The following SCML4 variants were observed in gnomAD, a reference collection of about 807,000 sequenced individuals.
SCML4 encodes sex comb on midleg-like protein 4.
A neutral mutation model predicts 41.1 loss-of-function variants in SCML4; 34 were observed. That is an observed-to-expected ratio of 0.83 (90% CI 0.63 to 1.10). SCML4 has a LOEUF of 1.10. SCML4 is among the 50% of genes least tolerant of loss of function. The probability of loss-of-function intolerance (pLI) is 0.00; values close to 1 mark genes in which losing one functional copy is unlikely to be tolerated. For synonymous variants in SCML4, 214 were observed against 220.9 expected (o/e 0.97, Z 0.28); for missense variants, 522 against 534.1 (o/e 0.98, Z 0.22).
At chr6:107,770,280 T>C (rs1241254101) in intron 2 of SCML4, among the ~76,000 whole-genome samples, 1 of 151,738 alleles carries the variant, frequency 6.6e-6, no homozygotes, top group Admixed American at 6.6e-5. Flanking sequence ...ACCAAGATAG[T>C]AGGAAGCAGA....
intron 6 of SCML4, among the ~76,000 whole-genome samples, chr6:107,714,416 C>A (rs539069429): frequency 8.3e-4 from 126 of 152,304 alleles, no homozygotes; most frequent in African/African-American, 2.8e-3. Flanking sequence ...CTCTGGGAAG[C>A]CTTTCCAGAC....
At chr6:107,777,077 T>G (rs971840758) in intron 1 of SCML4, among the ~76,000 whole-genome samples, 11 of 152,134 alleles carry the variant, frequency 7.2e-5, no homozygotes, top group African/African-American at 2.7e-4. Flanking sequence ...TAAAAGATGC[T>G]CTTCCTTTCC....
rs1776747974 is a variant in SCML4, at chr6:107,733,396, T to G, written c.682+11553A>C. On this transcript the variant is annotated intron_variant, in intron 5 of 7. Coordinates refer to ENST00000369020, the MANE Select transcript of SCML4 (RefSeq NM_198081.5). ...TCTCTGCCAGGGAGTTTATGTTTGT[T>G]TGTTGTAGTTTTTTTCAGCAAAGGG... Among the ~76,000 whole-genome samples the G allele has an allele frequency of 2.0e-5, 3 of 152,174 alleles. No individual in the cohort carries two copies. The South Asian group carries it at 6.2e-4, about 32-fold the overall frequency.
intron 2 of SCML4, among the ~76,000 whole-genome samples, chr6:107,767,944 G>GGTA: frequency 6.6e-6 from 1 of 152,120 alleles, no homozygotes; most frequent in East Asian, 1.9e-4. Context: ...CGTCAGACCA[G>GGTA]GAGGTAGAAA....
intron 7 of SCML4, among the ~76,000 whole-genome samples, chr6:107,705,800 T>C (rs780787232): frequency 5.3e-5 from 8 of 152,202 alleles, no homozygotes; most frequent in Non-Finnish European, 1.2e-4. Context: ...CTATGGAAGA[T>C]TTCAGGTGTG....
At chr6:107,751,574 C>CTTTCTTTCTTTA (rs1778631968) in intron 2 of SCML4, among the ~76,000 whole-genome samples, 2 of 43,264 alleles carry the variant, frequency 4.6e-5, no homozygotes, top group African/African-American at 1.9e-4. Flanking sequence ...TTTTAACAAT[C>CTTTCTTTCTTTA]TTTCTTTCTT....
At chr6:107,774,788 G>A (rs1301009085) in intron 1 of SCML4, among the ~76,000 whole-genome samples, 2 of 152,090 alleles carry the variant, frequency 1.3e-5, no homozygotes, top group African/African-American at 2.4e-5. Flanking sequence ...CTGGGAGGCT[G>A]AGGCGGGCAG....
chr6:107,839,083 T>G, the SCML4 span, among the ~76,000 whole-genome samples: 2 of 152,106 alleles, frequency 1.3e-5, no homozygotes, highest in Non-Finnish European at 2.9e-5. Context: ...GAGGATCGCT[T>G]GAGGCCAGCA....
intron 6 of SCML4, among the ~76,000 whole-genome samples, chr6:107,715,648 G>A (rs1774700884): frequency 6.6e-6 from 1 of 152,288 alleles, no homozygotes; most frequent in African/African-American, 2.4e-5. Context: ...CAGACACCAG[G>A]AAAATGTGCC....
At chr6:107,767,469 C>T (rs1052427895) in intron 2 of SCML4, among the ~76,000 whole-genome samples, 4 of 152,150 alleles carry the variant, frequency 2.6e-5, no homozygotes, top group Non-Finnish European at 5.9e-5. Flanking sequence ...TTTTTGTGAA[C>T]TTGACTCTCT....
At chr6:107,809,581 T>G (rs1199040387) in intron 1 of SCML4, among the ~76,000 whole-genome samples, 2 of 152,104 alleles carry the variant, frequency 1.3e-5, no homozygotes, top group African/African-American at 2.4e-5. Flanking sequence ...TTGGAAGGCA[T>G]GGGGTAAGGA....
chr6:107,813,370 TTATATATATA>T lies in SCML4; in HGVS notation c.-60+10746_-60+10755del, dbSNP rs543060112. The stretch of plus-strand genomic sequence containing the variant: ...AGAGTGAGACGCCATCTCAAAAAAA[TTATATATATA>T]TATATATATATATATATATATATAT... On this transcript the variant is annotated intron_variant, in intron 1 of 7. Transcript: ENST00000369020. 3.4e-3 allele frequency among the ~76,000 whole-genome samples: 144 copies of T among 42,428 alleles called. 3 individuals are homozygous for T. The highest frequency in any genetic ancestry group is 0.012 in the African/African-American group (89 of 7,314). The allele number at this position is 42,428 out of a possible 152,430, so 27.8% of individuals were successfully genotyped here.
At chr6:107,711,694 A>C (rs1369872967) in intron 6 of SCML4, among the ~76,000 whole-genome samples, 1 of 152,224 alleles carries the variant, frequency 6.6e-6, no homozygotes, top group Non-Finnish European at 1.5e-5. Context: ...TGTGTGTGTA[A>C]TCTTTACTTC....
intron 2 of SCML4, among the ~76,000 whole-genome samples, chr6:107,770,914 C>G (rs764521264): frequency 6.6e-6 from 1 of 152,166 alleles, no homozygotes; most frequent in Non-Finnish European, 1.5e-5. Flanking sequence ...CTCCAGCCCT[C>G]CAGATGCAAT....
the SCML4 span, among the ~76,000 whole-genome samples, chr6:107,833,642 C>T: frequency 3.3e-5 from 5 of 152,260 alleles, no homozygotes; most frequent in East Asian, 5.8e-4. Flanking sequence ...GAGGACTCTC[C>T]GGAGAGGAAG....
intron 1 of SCML4, among the ~76,000 whole-genome samples, chr6:107,777,947 G>A (rs1562247891): frequency 6.6e-6 from 1 of 151,782 alleles, no homozygotes; most frequent in Non-Finnish European, 1.5e-5. Context: ...GGGTACAGTG[G>A]CTCACACCTG....
intron 2 of SCML4, among the ~76,000 whole-genome samples, chr6:107,756,594 G>A (rs1009114198): frequency 5.9e-5 from 9 of 152,022 alleles, no homozygotes; most frequent in East Asian, 1.9e-4. Flanking sequence ...TAATTAAATC[G>A]GAATAAAATA....
At chr6:107,712,792 C>G (rs1162211017) in intron 6 of SCML4, among the ~76,000 whole-genome samples, 2 of 152,218 alleles carry the variant, frequency 1.3e-5, no homozygotes, top group African/African-American at 4.8e-5. Flanking sequence ...ACTCCCTCTC[C>G]AGCTGCAGCG....
At chr6:107,810,987 A>T (rs1313242643) in intron 1 of SCML4, among the ~76,000 whole-genome samples, 1 of 152,148 alleles carries the variant, frequency 6.6e-6, no homozygotes, top group Non-Finnish European at 1.5e-5. Context: ...ATGAGGTATT[A>T]TAATAAGGAT....
Sources: allele counts gnomAD v4.1 joint callset (sites outside exome capture counted in the v4.1 genomes callset), GRCh38; gene constraint gnomAD v4.1.1; transcripts MANE v1.5; gene names NCBI Gene and HGNC (gene_info 2026-07-23, HGNC 2026-07-21).